The following CACNA2D1 variants were observed in gnomAD, a reference collection of about 807,000 sequenced individuals.
CACNA2D1 encodes the protein calcium voltage-gated channel auxiliary subunit alpha2delta 1.
A neutral mutation model predicts 171.5 loss-of-function variants in CACNA2D1; 53 were observed. The ratio of observed to expected loss-of-function variants is 0.31; its 90% CI spans 0.25 to 0.39. CACNA2D1 has a LOEUF of 0.39. CACNA2D1 is among the 10% of genes least tolerant of loss of function. The pLI, the probability that CACNA2D1 is intolerant of heterozygous loss-of-function variation, is 1.00. For missense variants in CACNA2D1, 903 were observed against 1,299.8 expected (o/e 0.69, Z 4.69); for synonymous variants, 442 against 443.1 (o/e 1.00, Z 0.03).
chr7:82,438,772 T>C (rs1003416431), intron 1 of CACNA2D1, among the ~76,000 whole-genome samples: 1 of 152,176 alleles, frequency 6.6e-6, no homozygotes, highest in African/African-American at 2.4e-5. Flanking sequence ...GTGGAGGCGA[T>C]ATAATAGAAC....
At chr7:82,381,106 A>T (rs569132453) in intron 1 of CACNA2D1, among the ~76,000 whole-genome samples, 1 of 151,982 alleles carries the variant, frequency 6.6e-6, no homozygotes, top group East Asian at 2.0e-4. Context: ...AGGTCAGGAG[A>T]TCGAGACCAT....
At chr7:82,007,306 A>G (rs1272399929) in intron 16 of CACNA2D1, among the ~76,000 whole-genome samples, 1 of 152,208 alleles carries the variant, frequency 6.6e-6, no homozygotes, top group Non-Finnish European at 1.5e-5. Flanking sequence ...CACCTGATAC[A>G]AACATCGCCA....
chr7:81,986,436 C>T (rs757533016), intron 21 of CACNA2D1, among the ~76,000 whole-genome samples: 9 of 151,778 alleles, frequency 5.9e-5, no homozygotes, highest in South Asian at 2.1e-4. Context: ...TTAAGCCTCA[C>T]GTAGCCCCAG....
intron 19 of CACNA2D1, 63 bp from the exon 20 acceptor site, chr7:81,995,002 A>C (rs1276725210): frequency 1.7e-5 from 14 of 806,458 alleles, no homozygotes; most frequent in African/African-American, 3.4e-5. Flanking sequence ...AAATATGACT[A>C]TTAACATGGT....
At chr7:82,428,140 C>T (rs1453274189) in intron 1 of CACNA2D1, among the ~76,000 whole-genome samples, 2 of 151,172 alleles carry the variant, frequency 1.3e-5, no homozygotes, top group Non-Finnish European at 2.9e-5. Context: ...AGAAAGGCTG[C>T]AACCACACCA....
intron 1 of CACNA2D1, among the ~76,000 whole-genome samples, chr7:82,400,472 T>C (rs2129451713): frequency 6.6e-6 from 1 of 152,198 alleles, no homozygotes; most frequent in South Asian, 2.1e-4. Context: ...CCCTATTTAA[T>C]AAATGGTGCT....
At chr7:82,263,466 T>C (rs1349485834) in intron 3 of CACNA2D1, among the ~76,000 whole-genome samples, 1 of 152,140 alleles carries the variant, frequency 6.6e-6, no homozygotes, top group Non-Finnish European at 1.5e-5. Context: ...TGTCTTGTTG[T>C]AGAAGTGTGG....
intron 10 of CACNA2D1, among the ~76,000 whole-genome samples, chr7:82,053,166 G>T (rs996201655): frequency 2.6e-5 from 4 of 151,206 alleles, no homozygotes; most frequent in African/African-American, 9.7e-5. Context: ...GCAGGAGAAT[G>T]GCGTGAACCT....
At chr7:82,369,200 T>C (rs1405922619) in intron 1 of CACNA2D1, among the ~76,000 whole-genome samples, 1 of 152,124 alleles carries the variant, frequency 6.6e-6, no homozygotes, top group Non-Finnish European at 1.5e-5. Context: ...AAACTCTCCA[T>C]TAAACTTTAA....
At chr7:82,001,935 T>A (rs569673426) in intron 18 of CACNA2D1, among the ~76,000 whole-genome samples, 36 of 150,860 alleles carry the variant, frequency 2.4e-4, no homozygotes, top group Non-Finnish European at 4.9e-4. Context: ...GAAAAATGAC[T>A]ATTATTTTTC....
intron 32 of CACNA2D1, among the ~76,000 whole-genome samples, chr7:81,964,695 A>C (rs1794514388): frequency 6.6e-6 from 1 of 151,950 alleles, no homozygotes; most frequent in Non-Finnish European, 1.5e-5. Flanking sequence ...ACAAAGAAGC[A>C]GTTATGTAGA....
chr7:82,258,113 T>C (rs545534236), intron 3 of CACNA2D1, among the ~76,000 whole-genome samples: 9 of 152,038 alleles, frequency 5.9e-5, no homozygotes, highest in Non-Finnish European at 1.2e-4. Flanking sequence ...TACAGGTGGA[T>C]ACAGATAAAA....
intron 3 of CACNA2D1, among the ~76,000 whole-genome samples, chr7:82,284,479 C>T (rs1051749713): frequency 6.6e-6 from 1 of 152,098 alleles, no homozygotes; most frequent in African/African-American, 2.4e-5. Context: ...ATACCCTAGA[C>T]TGAGTCATTT....
intron 3 of CACNA2D1, among the ~76,000 whole-genome samples, chr7:82,200,655 C>G (rs950145973): frequency 1.3e-5 from 2 of 152,036 alleles, no homozygotes. Flanking sequence ...CAATATTTTA[C>G]TCTTTTTGTC....
Position 81,961,836 on chromosome 7 carries a change from A to G in CACNA2D1, c.2966+58T>C, listed in dbSNP as rs1383579974. ...CAGTATATACAATTTCTTAATGATT[A>G]TAACAGTATATACAATTTCTTAATG... is the stretch of plus-strand genomic sequence containing the variant. On this transcript the variant is annotated intron_variant, in intron 36 of 38. Coordinates refer to ENST00000356860, the MANE Select transcript of CACNA2D1 (RefSeq NM_000722.4). 1.8e-4 allele frequency: 52 copies of G among 291,304 alleles called. 1 individual carries two copies. The highest frequency in any genetic ancestry group is 2.6e-4 in the Non-Finnish European group (50 of 189,890). 18.0% of individuals were successfully genotyped at this position (291,304 alleles called of 1,614,324 possible). A position where few individuals can be genotyped will look rare whatever the true frequency, so the allele number is the denominator to read the frequency against.
At chr7:82,229,797 T>C (rs747582837) in intron 3 of CACNA2D1, among the ~76,000 whole-genome samples, 2 of 152,114 alleles carry the variant, frequency 1.3e-5, no homozygotes, top group Non-Finnish European at 2.9e-5. Context: ...CCCAAAGTGC[T>C]GGGATTACAG....
chr7:82,226,168 A>C (rs1802341786), intron 3 of CACNA2D1, among the ~76,000 whole-genome samples: 1 of 152,186 alleles, frequency 6.6e-6, no homozygotes. Flanking sequence ...TTTATGGCAA[A>C]GTAACTGTCA....
At chr7:82,203,967 C>T (rs976841800) in intron 3 of CACNA2D1, among the ~76,000 whole-genome samples, 3 of 152,172 alleles carry the variant, frequency 2.0e-5, no homozygotes, top group East Asian at 1.9e-4. Context: ...GTACAAGTCC[C>T]GTAGCAGCAG....
rs3801696 is a variant in CACNA2D1 at position 82,343,629 on chromosome 7, A to G, written c.177+5939T>C. 5.1e-3 allele frequency among the ~76,000 whole-genome samples: 779 copies of G among 151,964 alleles called. 21 individuals are homozygous for G. In the East Asian group the frequency reaches 0.081, roughly 16 times the overall value. Reference sequence around the variant, plus strand: ...ACATTAACATACACAAATAACAGAAACTCTCTACCTGTTTTTTTGTTGTTG... The same window carrying G: ...ACATTAACATACACAAATAACAGAAGCTCTCTACCTGTTTTTTTGTTGTTG... On this transcript the variant is annotated intron_variant, in intron 2 of 38. Coordinates refer to ENST00000356860, the MANE Select transcript of CACNA2D1 (RefSeq NM_000722.4).
Sources: gnomAD v4.1 joint callset for allele counts (sites outside exome capture counted in the v4.1 genomes callset) on GRCh38, gnomAD v4.1.1 for gene constraint, MANE v1.5 for transcripts, NCBI Gene and HGNC (gene_info 2026-07-23, HGNC 2026-07-21) for gene names.